The following KCNQ1 variants were observed in gnomAD, a reference collection of about 807,000 sequenced individuals.
The protein encoded by KCNQ1 is potassium voltage-gated channel subfamily KQT member 1.
Under a neutral mutation model 72.4 loss-of-function variants are expected in KCNQ1, and 49 were observed. The ratio of observed to expected loss-of-function variants is 0.68; its 90% CI spans 0.54 to 0.86. The LOEUF (loss-of-function observed/expected upper bound fraction) is 0.86. KCNQ1 is among the 40% of genes least tolerant of loss of function. The pLI is 0.00. For missense variants in KCNQ1, 790 were observed against 945.1 expected, an observed-to-expected ratio of 0.84 and a Z score of 2.15; for synonymous variants, 450 against 412.6, an observed-to-expected ratio of 1.09 and a Z score of -1.10.
At chr11:2,453,859 C>T (rs888450813) in intron 1 of KCNQ1, among the ~76,000 whole-genome samples, 1 of 152,194 alleles carries the variant, frequency 6.6e-6, no homozygotes, top group Non-Finnish European at 1.5e-5. Flanking sequence ...CTGGTTGAAT[C>T]AGAGATTTGT....
In KCNQ1 at chr11:2,638,159, G is replaced by C. The variant is rs1056579259; in HGVS notation, c.1394-23802G>C. The C allele has an allele frequency of 1.2e-4, 19 of 152,094 alleles. 1 individual carries two copies. Among genetic ancestry groups the C allele is most frequent in the African/African-American group, 4.3e-4 (18 of 41,422 alleles). 9.4% of individuals were successfully genotyped at this position (152,094 alleles called of 1,614,324 possible). ...TTTGCCAGTCTGTGTCTTTTAATTG[G>C]AGCCTTTAGCCTATTTACATTTAAG... On this transcript the variant is annotated intron_variant, in intron 10 of 15. Coordinates refer to ENST00000155840, the MANE Select transcript of KCNQ1 (RefSeq NM_000218.3).
chr11:2,691,724 G>T lies in KCNQ1; in HGVS notation c.1514+29643G>T. 1 of 398,642 alleles carries T rather than the reference G, an allele frequency of 2.5e-6. No individual in the cohort carries two copies. Among genetic ancestry groups the T allele is most frequent in the South Asian group, 1.3e-4 (1 of 7,848 alleles). 24.7% of individuals were successfully genotyped at this position (398,642 alleles called of 1,614,324 possible). A position where few individuals can be genotyped will look rare whatever the true frequency, so the allele number is the denominator to read the frequency against. On this transcript the variant is annotated intron_variant, in intron 11 of 15. Coordinates refer to ENST00000155840, the MANE Select transcript of KCNQ1 (RefSeq NM_000218.3). The surrounding 1 kb of genome is among the most constrained non-coding windows in gnomAD (Gnocchi z 6.4). Reference sequence around the variant, plus strand: ...CTGTCCAGGGGAGAGGCAGCCCACAGGGAGCCACACAGGCAGGGGACATTC... The same window carrying T: ...CTGTCCAGGGGAGAGGCAGCCCACATGGAGCCACACAGGCAGGGGACATTC...
rs577126792 is a variant in KCNQ1, at chr11:2,767,912, A to G, written c.1515-932A>G. 1.8e-4 allele frequency among the ~76,000 whole-genome samples: 28 copies of G among 152,274 alleles called. No individual in the cohort carries two copies. Among genetic ancestry groups the G allele is most frequent in the African/African-American group, 6.5e-4 (27 of 41,558 alleles). Reference sequence around the variant, plus strand: ...TGGCTGTCCTGTGGCCCTGGACTCCACATTTTTATCACTAGCCCACTGGGC... The same window carrying G: ...TGGCTGTCCTGTGGCCCTGGACTCCGCATTTTTATCACTAGCCCACTGGGC... On this transcript the variant is annotated intron_variant, in intron 11 of 15. Transcript: ENST00000155840. The surrounding 1 kb of genome is among the most constrained non-coding windows in gnomAD (Gnocchi z 4.6).
At chr11:2,584,543 G>A (rs1172461453) in intron 7 of KCNQ1, among the ~76,000 whole-genome samples, 1 of 139,958 alleles carries the variant, frequency 7.1e-6, no homozygotes, top group Non-Finnish European at 1.5e-5. Flanking sequence ...GTTAGTATGT[G>A]TTTGTGTTAG....
rs1035928790 is a variant in KCNQ1 at position 2,752,584 on chromosome 11, C to T, written c.1515-16260C>T. ...GGTCTGTCTGATTCATGGAAGTCAGCGGGCTGTGTCCTCACGTGGCAGAAG... is the reference window on the plus strand; with the variant it reads ...GGTCTGTCTGATTCATGGAAGTCAGTGGGCTGTGTCCTCACGTGGCAGAAG... On this transcript the variant is annotated intron_variant, in intron 11 of 15. Transcript: ENST00000155840. This position sits in a 1 kb window ranked among gnomAD's most constrained non-coding sequence, Gnocchi z 5.2. Among the ~76,000 whole-genome samples, 2 of 152,090 alleles carry T rather than the reference C, an allele frequency of 1.3e-5. No individual in the cohort carries two copies. Among genetic ancestry groups the T allele is most frequent in the Non-Finnish European group, 1.5e-5 (1 of 67,998 alleles).
chr11:2,651,666 T>C lies in KCNQ1; in HGVS notation c.1394-10295T>C. Reference sequence around the variant, plus strand: ...CTGTCTCTCCCACAGCTCACTGACATTAGCCACGTGGCCCTCTGTTTCCTG... The same window carrying C: ...CTGTCTCTCCCACAGCTCACTGACACTAGCCACGTGGCCCTCTGTTTCCTG... On this transcript the variant is annotated intron_variant, in intron 10 of 15. Coordinates refer to ENST00000155840, the MANE Select transcript of KCNQ1 (RefSeq NM_000218.3). This position sits in a 1 kb window ranked among gnomAD's most constrained non-coding sequence, Gnocchi z 6.1. 2.5e-6 allele frequency: 1 copy of C among 398,672 alleles called. No homozygotes were observed. Among genetic ancestry groups the C allele is most frequent in the East Asian group, 3.6e-5 (1 of 28,084 alleles). 24.7% of individuals were successfully genotyped at this position (398,672 alleles called of 1,614,324 possible). A position where few individuals can be genotyped will look rare whatever the true frequency, so the allele number is the denominator to read the frequency against.
intron 10 of KCNQ1, among the ~76,000 whole-genome samples, chr11:2,591,001 C>G (rs1848663623): frequency 6.6e-6 from 1 of 152,270 alleles, no homozygotes; most frequent in Admixed American, 6.5e-5. Context: ...CCCTTCTCAG[C>G]AGCCGTCCCT....
chr11:2,611,361 A>T lies in KCNQ1; in HGVS notation c.1393+22507A>T, dbSNP rs1036532974. The T allele has an allele frequency of 2.5e-6, 1 of 397,444 alleles. No individual in the cohort carries two copies. Among genetic ancestry groups the T allele is most frequent in the Non-Finnish European group, 4.4e-6 (1 of 225,988 alleles). 24.6% of individuals were successfully genotyped at this position (397,444 alleles called of 1,614,324 possible). On this transcript the variant is annotated intron_variant, in intron 10 of 15. Transcript: ENST00000155840. The surrounding 1 kb of genome is among the most constrained non-coding windows in gnomAD (Gnocchi z 5.3). Reference sequence around the variant, plus strand: ...CAGCATCCCAAGTAGCTGGGACTACAGGCATTTGCCACCATACCCAGCTAA... The same window carrying T: ...CAGCATCCCAAGTAGCTGGGACTACTGGCATTTGCCACCATACCCAGCTAA...
intron 2 of KCNQ1, among the ~76,000 whole-genome samples, chr11:2,553,482 G>T (rs1474095493): frequency 2.0e-5 from 3 of 152,026 alleles, no homozygotes; most frequent in Non-Finnish European, 4.4e-5. Context: ...AAGAATGGCT[G>T]TTGGATTTTT....
chr11:2,517,283 C>T (rs1444385616), intron 1 of KCNQ1, among the ~76,000 whole-genome samples: 3 of 152,258 alleles, frequency 2.0e-5, no homozygotes, highest in Non-Finnish European at 2.9e-5. Context: ...CGGGGGCATC[C>T]AGGTTCCTGG....
intron 2 of KCNQ1, among the ~76,000 whole-genome samples, chr11:2,557,701 C>T (rs1248213739): frequency 1.3e-5 from 2 of 152,212 alleles, no homozygotes; most frequent in Non-Finnish European, 2.9e-5. Flanking sequence ...GGATTCCTCA[C>T]ATCTCAGAAA....
chr11:2,474,198 G>T (rs1254564031), intron 1 of KCNQ1, among the ~76,000 whole-genome samples: 1 of 152,198 alleles, frequency 6.6e-6, no homozygotes, highest in Non-Finnish European at 1.5e-5. Context: ...AGCGTTGGGG[G>T]TAGTCAGGGT....
chr11:2,587,419 C>T lies in KCNQ1; in HGVS notation c.1129-151C>T, dbSNP rs1848606887. 5 of 1,127,128 alleles carry T rather than the reference C, an allele frequency of 4.4e-6. No individual in the cohort carries two copies. In the South Asian group the frequency reaches 6.8e-5, roughly 15 times the overall value. The allele number at this position is 1,127,128 out of a possible 1,614,324, so 69.8% of individuals were successfully genotyped here. On this transcript the variant is annotated intron_variant, in intron 8 of 15. Transcript: ENST00000155840. ...GGGCAGAGGGTCTGGGAGCTGGGAC[C>T]ATGTCAAGCCTGTGACTCTGAGGTC... is the stretch of plus-strand genomic sequence containing the variant.
At chr11:2,843,171 G>A (rs71476694) in intron 15 of KCNQ1, among the ~76,000 whole-genome samples, 2,002 of 152,310 alleles carry the variant, frequency 0.013, 19 homozygotes, top group Admixed American at 0.019. Context: ...AAACACGGTC[G>A]ACTTTTGTCC....
intron 11 of KCNQ1, among the ~76,000 whole-genome samples, chr11:2,743,412 C>T (rs1189917802): frequency 6.6e-6 from 1 of 152,226 alleles, no homozygotes; most frequent in African/African-American, 2.4e-5. Context: ...CACTGGTTCA[C>T]TTAGGGGTAG....
At chr11:2,467,912 C>T (rs1244401472) in intron 1 of KCNQ1, among the ~76,000 whole-genome samples, 4 of 152,332 alleles carry the variant, frequency 2.6e-5, no homozygotes, top group Middle Eastern at 6.8e-3. Flanking sequence ...CACTGCCTTC[C>T]ACCTGGTTAG....
At chr11:2,512,178 G>T (rs529104432) in intron 1 of KCNQ1, among the ~76,000 whole-genome samples, 1 of 152,134 alleles carries the variant, frequency 6.6e-6, no homozygotes, top group African/African-American at 2.4e-5. Flanking sequence ...CCATAAGCTC[G>T]CTGAGCACTT....
At position 2,550,301 on chromosome 11, in the gene KCNQ1, G is replaced by A. The variant is rs1192104685; in HGVS notation, c.478-20327G>A. Among the ~76,000 whole-genome samples, 3 of 152,206 alleles carry A rather than the reference G, an allele frequency of 2.0e-5. No individual in the cohort carries two copies. The highest frequency in any genetic ancestry group is 4.4e-5 in the Non-Finnish European group (3 of 68,032). On this transcript the variant is annotated intron_variant, in intron 2 of 15. Coordinates refer to ENST00000155840, the MANE Select transcript of KCNQ1 (RefSeq NM_000218.3). This position sits in a 1 kb window ranked among gnomAD's most constrained non-coding sequence, Gnocchi z 6.0. ...TTGCAGAGCCGTGGCGCGGCGCCTG[G>A]ATTTCCGACACACTGCAGCATCTGC...
intron 11 of KCNQ1, chr11:2,675,338 T>A (rs1850274823): frequency 5.0e-6 from 2 of 398,538 alleles, no homozygotes; most frequent in African/African-American, 2.1e-5. Flanking sequence ...TAAGTCATAT[T>A]TTTTTAATGA....
Sources: gnomAD v4.1 joint callset for allele counts (sites outside exome capture counted in the v4.1 genomes callset) on GRCh38, gnomAD v4.1.1 for gene constraint, Gnocchi (gnomAD v3.1) non-coding constraint, MANE v1.5 for transcripts, NCBI Gene and HGNC (gene_info 2026-07-23, HGNC 2026-07-21) for gene names.